The following KDM4D variants were observed in gnomAD, a reference collection of about 807,000 sequenced individuals.
KDM4D encodes the protein lysine-specific demethylase 4D.
For missense variants in KDM4D, 427 were observed against 674.8 expected (o/e 0.63, Z 4.07); for synonymous variants, 254 against 249.1 (o/e 1.02, Z -0.19).
At chr11:94,989,994 G>A (rs1035519098) in intron 2 of KDM4D, among the ~76,000 whole-genome samples, 5 of 151,972 alleles carry the variant, frequency 3.3e-5, no homozygotes, top group Non-Finnish European at 7.4e-5. Flanking sequence ...CCTCACCTCA[G>A]GTGTCCCACC....
chr11:94,975,815 T>C (rs1214156798), intron 2 of KDM4D, 67 bp downstream of exon 2: 2 of 152,136 alleles, frequency 1.3e-5, no homozygotes, highest in Admixed American at 6.5e-5. Flanking sequence ...GACGTAACAA[T>C]GGCAAGATGG....
intron 2 of KDM4D, among the ~76,000 whole-genome samples, chr11:94,990,745 A>G (rs998194627): frequency 7.2e-5 from 11 of 152,226 alleles, no homozygotes; most frequent in African/African-American, 2.7e-4. Flanking sequence ...AGGAAAGCCA[A>G]GAAGCAACAC....
intron 2 of KDM4D, among the ~76,000 whole-genome samples, chr11:94,987,547 C>T (rs1414911185): frequency 1.3e-5 from 2 of 152,138 alleles, no homozygotes; most frequent in Non-Finnish European, 2.9e-5. Flanking sequence ...TGAATAGGTT[C>T]CTGTAGGAGC....
intron 2 of KDM4D, among the ~76,000 whole-genome samples, chr11:94,976,553 T>C (rs1440166154): frequency 6.6e-6 from 1 of 152,204 alleles, no homozygotes; most frequent in Non-Finnish European, 1.5e-5. Flanking sequence ...GGCTGGCATT[T>C]TGCTATATAT....
In KDM4D at chr11:94,999,139, G is replaced by A. The variant is rs1487150199; in HGVS notation, c.*195G>A. The A allele has an allele frequency of 3.6e-5, 17 of 468,450 alleles. No individual in the cohort carries two copies. The highest frequency in any genetic ancestry group is 6.0e-5 in the Non-Finnish European group (16 of 264,558). 29.0% of individuals were successfully genotyped at this position (468,450 alleles called of 1,614,324 possible). On this transcript the variant is annotated 3_prime_UTR_variant, in exon 3 of 3. Coordinates refer to ENST00000335080, the MANE Select transcript of KDM4D (RefSeq NM_018039.3). Reference sequence around the variant, plus strand: ...TTGCCATACTTTTGTTCTTCCTACCGGACCCTGGAATGTCTTTGGATATTG... The same window carrying A: ...TTGCCATACTTTTGTTCTTCCTACCAGACCCTGGAATGTCTTTGGATATTG...
chr11:94,978,890 T>A (rs1857820522), intron 2 of KDM4D, among the ~76,000 whole-genome samples: 1 of 152,188 alleles, frequency 6.6e-6, no homozygotes, highest in Admixed American at 6.5e-5. Flanking sequence ...ATCGGACATG[T>A]ATGCAGCTAA....
At chr11:94,978,729 G>A (rs1555097258) in intron 2 of KDM4D, among the ~76,000 whole-genome samples, 2 of 152,100 alleles carry the variant, frequency 1.3e-5, no homozygotes, top group African/African-American at 4.8e-5. Flanking sequence ...AGAAAATAGA[G>A]ATAGAAAAAG....
intron 2 of KDM4D, among the ~76,000 whole-genome samples, chr11:94,979,692 A>T (rs1394206461): frequency 6.6e-6 from 1 of 152,192 alleles, no homozygotes; most frequent in Non-Finnish European, 1.5e-5. Flanking sequence ...TTAGAGTTTC[A>T]TTGTATAAAA....
At chr11:94,989,345 A>G (rs1395177295) in intron 2 of KDM4D, among the ~76,000 whole-genome samples, 10 of 152,174 alleles carry the variant, frequency 6.6e-5, no homozygotes, top group South Asian at 2.1e-4. Flanking sequence ...TTAAAACTCA[A>G]TGGAGTGGTG....
At position 94,998,872 on chromosome 11, in the gene KDM4D, G is replaced by A; in HGVS notation, c.1500G>A (p.Lys500=). ...PLPEDGALMD[K]PVPLSPGLQH... ...CTGAGGATGGGGCTTTGATGGACAA[G>A]CCTGTACCACTGAGCCCAGGGCTCC... Residue 500 remains lysine, a synonymous_variant, in exon 3 of 3, where the codon AAG becomes AAA. Transcript: ENST00000335080. The surrounding 1 kb of genome is among the most constrained non-coding windows in gnomAD (Gnocchi z 6.7). 1 of 1,537,224 alleles carries A rather than the reference G, an allele frequency of 6.5e-7. No homozygotes were observed.
At chr11:94,987,886 A>G (rs981588276) in intron 2 of KDM4D, among the ~76,000 whole-genome samples, 1 of 152,206 alleles carries the variant, frequency 6.6e-6, no homozygotes, top group Non-Finnish European at 1.5e-5. Context: ...TAACAAAAGA[A>G]AAAGCATTAG....
intron 1 of KDM4D, among the ~76,000 whole-genome samples, chr11:94,974,653 C>T (rs1467429258): frequency 6.6e-6 from 1 of 152,164 alleles, no homozygotes; most frequent in Non-Finnish European, 1.5e-5. Context: ...CTAAAAGACG[C>T]GATCATCATG....
At position 94,998,246 on chromosome 11, in the gene KDM4D, G is replaced by T; in HGVS notation, c.874G>T (p.Ala292Ser). The change falls in exon 3 of 3, where the codon GCC becomes TCC. Residue 292 changes from alanine to serine, a missense_variant. By Grantham distance (99) the Ala-to-Ser change is moderately conservative. Transcript: ENST00000335080. This position sits in a 1 kb window ranked among gnomAD's most constrained non-coding sequence, Gnocchi z 6.7. Reference sequence around the variant, plus strand: ...CAACCATGGTTTCAACTGCGCAGAGGCCATCAATTTTGCCACTCCGCGATG... The same window carrying T: ...CAACCATGGTTTCAACTGCGCAGAGTCCATCAATTTTGCCACTCCGCGATG... ...GFNHGFNCAE[A>S]INFATPRWID... 1 of 1,614,206 alleles carries T rather than the reference G, an allele frequency of 6.2e-7. No homozygotes were observed. The highest frequency in any genetic ancestry group is 8.5e-7 in the Non-Finnish European group (1 of 1,180,036).
chr11:94,989,593 G>C (rs1857916042), intron 2 of KDM4D, among the ~76,000 whole-genome samples: 1 of 152,132 alleles, frequency 6.6e-6, no homozygotes, highest in Non-Finnish European at 1.5e-5. Flanking sequence ...AGTTTATGCT[G>C]TCCATGCCTG....
rs376971308 is a variant in KDM4D, at chr11:94,997,609, C to T, written c.237C>T (p.Ala79=). Reference sequence around the variant, plus strand: ...TAGCCACTCCCCTCCAGCAGGTGGCCTCTGGGCGGGCAGGGGTGTTTACTC... The same window carrying T: ...TAGCCACTCCCCTCCAGCAGGTGGCTTCTGGGCGGGCAGGGGTGTTTACTC... ...ILIATPLQQV[A]SGRAGVFTQY... The change falls in exon 3 of 3, where the codon GCC becomes GCT. Residue 79 remains alanine (A), a synonymous_variant. Coordinates refer to ENST00000335080, the MANE Select transcript of KDM4D (RefSeq NM_018039.3). The T allele has an allele frequency of 3.1e-6, 5 of 1,613,662 alleles. No individual in the cohort carries two copies. Among genetic ancestry groups the T allele is most frequent in the African/African-American group, 2.7e-5 (2 of 74,840 alleles).
At chr11:94,980,403 A>G (rs1252948241) in intron 2 of KDM4D, among the ~76,000 whole-genome samples, 1 of 152,086 alleles carries the variant, frequency 6.6e-6, no homozygotes, top group Non-Finnish European at 1.5e-5. Context: ...GGACTTTACT[A>G]TAAAATTCAG....
chr11:94,983,961 CTAGA>C (rs1857863490), intron 2 of KDM4D, among the ~76,000 whole-genome samples: 1 of 151,970 alleles, frequency 6.6e-6, no homozygotes, highest in Non-Finnish European at 1.5e-5. Flanking sequence ...AGTATCTACC[CTAGA>C]TAAATTGTCA....
intron 2 of KDM4D, among the ~76,000 whole-genome samples, chr11:94,976,188 TG>T (rs1318532847): frequency 1.3e-5 from 2 of 152,220 alleles, no homozygotes; most frequent in African/African-American, 4.8e-5. Flanking sequence ...ATGTTAAACC[TG>T]TTACCACAAA....
At position 94,998,284 on chromosome 11, in the gene KDM4D, C is replaced by T; in HGVS notation, c.912C>T (p.Gly304=). The change falls in exon 3 of 3, where the codon GGC becomes GGT. Residue 304 remains glycine (G), a synonymous_variant. Transcript: ENST00000335080. The surrounding 1 kb of genome is among the most constrained non-coding windows in gnomAD (Gnocchi z 6.7). Reference sequence around the variant, plus strand: ...CCACTCCGCGATGGATTGATTATGGCAAAATGGCCTCCCAGTGTAGCTGTG... The same window carrying T: ...CCACTCCGCGATGGATTGATTATGGTAAAATGGCCTCCCAGTGTAGCTGTG... The part of the protein sequence containing the change: ...NFATPRWIDY[G]KMASQCSCGE... 6.2e-7 allele frequency: 1 copy of T among 1,614,220 alleles called. No individual in the cohort carries two copies. The highest frequency in any genetic ancestry group is 8.5e-7 in the Non-Finnish European group (1 of 1,180,036).
Sources: allele counts gnomAD v4.1 joint callset (sites outside exome capture counted in the v4.1 genomes callset), GRCh38; gene constraint gnomAD v4.1.1; non-coding constraint Gnocchi (gnomAD v3.1); transcripts MANE v1.5; gene names NCBI Gene and HGNC (gene_info 2026-07-23, HGNC 2026-07-21).